The following TTK variants were observed in gnomAD, a reference collection of about 807,000 sequenced individuals.
The protein encoded by TTK is dual specificity protein kinase TTK.
In TTK, 59 loss-of-function variants were observed where a neutral mutation model predicts 117.3. The ratio of observed to expected loss-of-function variants is 0.50; its 90% CI spans 0.41 to 0.62. The LOEUF is 0.62. Ranked by LOEUF, TTK falls within the 20% of genes least tolerant of loss-of-function variation. The probability of loss-of-function intolerance (pLI) is 0.00; values close to 1 mark genes in which losing one functional copy is unlikely to be tolerated. For missense variants in TTK, 921 were observed against 989.4 expected, an observed-to-expected ratio of 0.93 and a Z score of 0.93; for synonymous variants, 302 against 325.0, an observed-to-expected ratio of 0.93 and a Z score of 0.76.
chr6:80,012,294 TTTTG>T (rs1767181481), intron 8 of TTK, among the ~76,000 whole-genome samples: 2 of 152,014 alleles, frequency 1.3e-5, no homozygotes, highest in South Asian at 2.1e-4. Context: ...TCTCTTCCTG[TTTTG>T]TTTGAGAGTC....
At chr6:80,034,582 C>T (rs1253421623) in intron 14 of TTK, among the ~76,000 whole-genome samples, 1 of 152,140 alleles carries the variant, frequency 6.6e-6, no homozygotes, top group Non-Finnish European at 1.5e-5. Context: ...CCCACCTCAG[C>T]CTTCTGAGTA....
At chr6:80,036,738 A>T in intron 17 of TTK, 139 bp downstream of exon 17, 1 of 945,460 alleles carries the variant, frequency 1.1e-6, no homozygotes, top group Admixed American at 3.7e-5. Flanking sequence ...GAATAGATTT[A>T]AAAATATAAA....
chr6:80,013,513 G>A (rs1582091631), intron 9 of TTK, 147 bp downstream of exon 9: 2 of 607,222 alleles, frequency 3.3e-6, no homozygotes, highest in South Asian at 2.3e-5. Context: ...GTGGGACTAC[G>A]AGTGGGAAGT....
intron 15 of TTK, 38 bp from the exon 16 acceptor site, chr6:80,035,228 C>G: frequency 1.3e-6 from 2 of 1,553,928 alleles, no homozygotes; most frequent in Admixed American, 2.1e-5. Flanking sequence ...ATAACCTAGC[C>G]ATTTATTGTT....
chr6:80,025,075 C>T (rs778084429), intron 11 of TTK, among the ~76,000 whole-genome samples: 4 of 152,196 alleles, frequency 2.6e-5, no homozygotes, highest in Non-Finnish European at 5.9e-5. Context: ...CTAACTTCTT[C>T]GTGTCTCATG....
chr6:80,040,356 A>G (rs1341377906), intron 20 of TTK, 76 bp downstream of exon 20: 2 of 1,267,236 alleles, frequency 1.6e-6, no homozygotes, highest in African/African-American at 3.1e-5. Context: ...TATAACAAAG[A>G]CAGAATCTAA....
At chr6:80,027,829 C>T (rs1264851854) in intron 12 of TTK, 56 bp from the exon 13 acceptor site, 2 of 1,327,120 alleles carry the variant, frequency 1.5e-6, no homozygotes, top group African/African-American at 3.0e-5. Context: ...GAAACTGAAT[C>T]AGACTTATTT....
intron 14 of TTK, 119 bp from the exon 15 acceptor site, chr6:80,034,866 A>C: frequency 1.2e-6 from 1 of 863,680 alleles, no homozygotes; most frequent in Non-Finnish European, 1.6e-6. Flanking sequence ...GAAACTTTTA[A>C]TGTTCATGTC....
intron 14 of TTK, 135 bp from the exon 15 acceptor site, chr6:80,034,850 G>A: frequency 1.4e-6 from 1 of 697,824 alleles, no homozygotes; most frequent in Non-Finnish European, 2.1e-6. Context: ...ACTCAAAATA[G>A]GCCCAGAAAC....
intron 3 of TTK, 108 bp from the exon 4 acceptor site, chr6:80,008,278 A>G (rs1303005390): frequency 4.3e-6 from 5 of 1,151,588 alleles, no homozygotes; most frequent in Admixed American, 5.6e-5. Flanking sequence ...AATTTTACCC[A>G]CAGAAAAAAG....
chr6:80,017,435 T>G (rs915702809), intron 10 of TTK, among the ~76,000 whole-genome samples: 4 of 152,102 alleles, frequency 2.6e-5, no homozygotes, highest in African/African-American at 9.7e-5. Flanking sequence ...TGTGCCACCA[T>G]GCCCGGCTAA....
intron 21 of TTK, among the ~76,000 whole-genome samples, chr6:80,041,546 T>C (rs1458947783): frequency 6.6e-6 from 1 of 151,712 alleles, no homozygotes; most frequent in Non-Finnish European, 1.5e-5. Context: ...TATACTAATA[T>C]ATTATTCAAA....
At chr6:80,025,848 T>C (rs1767590196) in intron 11 of TTK, among the ~76,000 whole-genome samples, 1 of 150,676 alleles carries the variant, frequency 6.6e-6, no homozygotes, top group African/African-American at 2.4e-5. Context: ...ATAGGATGAA[T>C]CCTATAGGTT....
chr6:80,010,912 CA>C lies in TTK; in HGVS notation c.575del (p.Lys192SerfsTer18). The C allele has an allele frequency of 1.2e-6, 2 of 1,611,430 alleles. No individual in the cohort carries two copies. Among genetic ancestry groups the C allele is most frequent in the South Asian group, 1.1e-5 (1 of 90,938 alleles). On this transcript the variant is annotated frameshift_variant, in exon 5 of 22. Coordinates refer to ENST00000369798, the MANE Select transcript of TTK (RefSeq NM_003318.5). LOFTEE classifies it high-confidence loss of function. ...LEIALRNLNL[Q>X]KKQLLSEEEK... ...AATTGCCCTGCGGAATTTAAACCTC[CA>C]AAAAAAGCAGCTGCTTTCAGAGGAG...
intron 5 of TTK, 40 bp from the exon 6 acceptor site, chr6:80,011,394 A>C: frequency 7.3e-7 from 1 of 1,376,884 alleles, no homozygotes; most frequent in South Asian, 1.4e-5. Context: ...TACTTGTCTT[A>C]TTTCTTATAA....
intron 10 of TTK, among the ~76,000 whole-genome samples, chr6:80,018,082 A>G (rs1160609496): frequency 6.6e-6 from 1 of 151,812 alleles, no homozygotes; most frequent in African/African-American, 2.4e-5. Flanking sequence ...GGCTGAGGTG[A>G]AAGGATCACT....
At chr6:80,034,454 A>G (rs1767840497) in intron 14 of TTK, among the ~76,000 whole-genome samples, 1 of 152,182 alleles carries the variant, frequency 6.6e-6, no homozygotes, top group African/African-American at 2.4e-5. Context: ...AACATCTGTG[A>G]ATTGAATTGA....
intron 21 of TTK, among the ~76,000 whole-genome samples, 174 bp from the exon 22 acceptor site, chr6:80,041,945 G>A (rs556268359): frequency 1.3e-5 from 2 of 151,712 alleles, no homozygotes; most frequent in African/African-American, 4.8e-5. Context: ...TTAAGGCCAA[G>A]CTTCGTGTTT....
At chr6:80,025,111 C>T (rs1445944889) in intron 11 of TTK, among the ~76,000 whole-genome samples, 2 of 152,154 alleles carry the variant, frequency 1.3e-5, no homozygotes, top group Non-Finnish European at 2.9e-5. Flanking sequence ...TTACTTTAGC[C>T]ACCTACTCCT....
Sources: allele counts gnomAD v4.1 joint callset (sites outside exome capture counted in the v4.1 genomes callset), GRCh38; gene constraint gnomAD v4.1.1; transcripts MANE v1.5; gene names NCBI Gene and HGNC (gene_info 2026-07-23, HGNC 2026-07-21).